Variants in GALNT13 observed in about 807,000 individuals in gnomAD.
The protein encoded by GALNT13 is UDP-GalNAc:polypeptide N-acetylgalactosaminyltransferase 13.
In GALNT13, 28 loss-of-function variants were observed where a neutral mutation model predicts 64.2. The ratio of observed to expected loss-of-function variants is 0.44; its 90% CI spans 0.32 to 0.60. GALNT13 has a LOEUF of 0.60. GALNT13 is among the 20% of genes least tolerant of loss of function. GALNT13 has a pLI of 0.05. For synonymous variants in GALNT13, 214 were observed against 224.6 expected (o/e 0.95, Z 0.42); for missense variants, 577 against 669.8 (o/e 0.86, Z 1.53).
intron 1 of GALNT13, among the ~76,000 whole-genome samples, chr2:153,886,187 A>G (rs1472528889): frequency 6.6e-6 from 1 of 151,766 alleles, no homozygotes; most frequent in Non-Finnish European, 1.5e-5. Flanking sequence ...TGAAAAAAAA[A>G]AAACAAATTA....
At chr2:153,769,001 C>A in the GALNT13 span, among the ~76,000 whole-genome samples, 17 of 152,114 alleles carry the variant, frequency 1.1e-4, no homozygotes, top group African/African-American at 4.1e-4. Flanking sequence ...TTAGTCATTA[C>A]ACCTGTCTCT....
At chr2:154,349,007 A>G (rs1696234410) in intron 9 of GALNT13, among the ~76,000 whole-genome samples, 1 of 152,236 alleles carries the variant, frequency 6.6e-6, no homozygotes, top group South Asian at 2.1e-4. Flanking sequence ...CAGGTTCACT[A>G]AACTACCTTA....
At chr2:153,343,791 C>G in the GALNT13 span, among the ~76,000 whole-genome samples, 2 of 152,024 alleles carry the variant, frequency 1.3e-5, no homozygotes, top group African/African-American at 4.8e-5. Context: ...GGTTTGTCCA[C>G]CCCTCCCAAT....
chr2:153,913,487 G>T lies in GALNT13; in HGVS notation c.-105+12480G>T, dbSNP rs117565220. Among the ~76,000 whole-genome samples the T allele has an allele frequency of 7.0e-4, 107 of 152,240 alleles. 1 individual carries two copies. The East Asian group carries it at 0.017, about 25-fold the overall frequency. On this transcript the variant is annotated intron_variant, in intron 2 of 12. Transcript: ENST00000392825. ...CCTATGGAAGCAAGTTGAGCCCAGG[G>T]GAATGGGCAGCCCTGACCATGCTCC... is the stretch of plus-strand genomic sequence containing the variant.
At chr2:153,319,963 GA>G in the GALNT13 span, among the ~76,000 whole-genome samples, 3 of 151,768 alleles carry the variant, frequency 2.0e-5, no homozygotes, top group African/African-American at 2.4e-5. Context: ...ATGGGGAGCT[GA>G]AAAAAAATGT....
the GALNT13 span, among the ~76,000 whole-genome samples, chr2:153,561,304 G>A: frequency 6.6e-6 from 1 of 151,694 alleles, no homozygotes; most frequent in Non-Finnish European, 1.5e-5. Flanking sequence ...TTTATGAAAT[G>A]CTTGGGACCA....
chr2:153,768,319 G>A, the GALNT13 span, among the ~76,000 whole-genome samples: 1 of 152,154 alleles, frequency 6.6e-6, no homozygotes, highest in Non-Finnish European at 1.5e-5. Flanking sequence ...TTGCTCTATA[G>A]TCCAGTTTAC....
At chr2:153,828,493 A>G in the GALNT13 span, among the ~76,000 whole-genome samples, 1 of 152,170 alleles carries the variant, frequency 6.6e-6, no homozygotes, top group Non-Finnish European at 1.5e-5. Context: ...GCCAGGGCCC[A>G]AGTTGTACCT....
At chr2:153,676,477 A>G in the GALNT13 span, among the ~76,000 whole-genome samples, 13 of 152,278 alleles carry the variant, frequency 8.5e-5, no homozygotes, top group East Asian at 2.1e-3. Context: ...GCATTCCAAA[A>G]AATTGAAGAG....
the GALNT13 span, among the ~76,000 whole-genome samples, chr2:153,744,560 G>T: frequency 6.6e-6 from 1 of 152,106 alleles, no homozygotes; most frequent in African/African-American, 2.4e-5. Context: ...TCTTTTCTCA[G>T]CTTTTCCTCT....
chr2:153,301,625 A>T, the GALNT13 span, among the ~76,000 whole-genome samples: 3 of 152,150 alleles, frequency 2.0e-5, no homozygotes, highest in African/African-American at 7.2e-5. Context: ...GGTGTTGAAC[A>T]GTAGATCTCT....
intron 8 of GALNT13, among the ~76,000 whole-genome samples, chr2:154,266,073 A>G (rs924140467): frequency 6.6e-6 from 1 of 152,178 alleles, no homozygotes; most frequent in Non-Finnish European, 1.5e-5. Flanking sequence ...CTGAATTTAA[A>G]AAGAAAACCA....
At chr2:153,597,467 CT>C in the GALNT13 span, among the ~76,000 whole-genome samples, 2 of 152,014 alleles carry the variant, frequency 1.3e-5, no homozygotes, top group Non-Finnish European at 2.9e-5. Flanking sequence ...TGCCTTACAT[CT>C]TTAAAAAAAT....
Position 154,284,520 on chromosome 2 carries a change from T to TACACAC in GALNT13, c.976-16863_976-16858dup, listed in dbSNP as rs372990123. ...ATATATGTATCTGTATACATATAGC[T>TACACAC]ACACACACACACACACACACACACA... On this transcript the variant is annotated intron_variant, in intron 8 of 12. Coordinates refer to ENST00000392825, the MANE Select transcript of GALNT13 (RefSeq NM_052917.4). 4.1e-3 allele frequency among the ~76,000 whole-genome samples: 599 copies of TACACAC among 145,846 alleles called. 4 individuals are homozygous for TACACAC. The highest frequency in any genetic ancestry group is 0.013 in the African/African-American group (509 of 39,572).
At chr2:154,290,894 G>A (rs970582347) in intron 8 of GALNT13, among the ~76,000 whole-genome samples, 2 of 151,966 alleles carry the variant, frequency 1.3e-5, no homozygotes, top group African/African-American at 2.4e-5. Context: ...AAGGTGGCGC[G>A]TCTGGAGTTG....
the GALNT13 span, among the ~76,000 whole-genome samples, chr2:153,494,424 A>G: frequency 6.6e-6 from 1 of 152,010 alleles, no homozygotes; most frequent in Admixed American, 6.5e-5. Flanking sequence ...AAAGGTCAAT[A>G]TAATAGAATA....
the GALNT13 span, among the ~76,000 whole-genome samples, chr2:153,109,319 C>T: frequency 6.6e-6 from 1 of 152,146 alleles, no homozygotes; most frequent in African/African-American, 2.4e-5. Context: ...TAGTCATTCT[C>T]ATTCCCATTG....
chr2:154,376,758 A>G (rs919994595), intron 9 of GALNT13, among the ~76,000 whole-genome samples: 2 of 152,166 alleles, frequency 1.3e-5, no homozygotes, highest in Admixed American at 1.3e-4. Flanking sequence ...TATGTAGGAC[A>G]GTATTATTCG....
the GALNT13 span, among the ~76,000 whole-genome samples, chr2:153,632,026 A>C: frequency 6.6e-6 from 1 of 152,120 alleles, no homozygotes; most frequent in Non-Finnish European, 1.5e-5. Context: ...CACCTTTGAC[A>C]CTGTCCAAGG....
Sources: gnomAD v4.1 joint callset for allele counts (sites outside exome capture counted in the v4.1 genomes callset) on GRCh38, gnomAD v4.1.1 for gene constraint, MANE v1.5 for transcripts, NCBI Gene and HGNC (gene_info 2026-07-23, HGNC 2026-07-21) for gene names.